The following ADAMTS14 variants were observed in gnomAD, a reference collection of about 807,000 sequenced individuals.
ADAMTS14 encodes A disintegrin and metalloproteinase with thrombospondin motifs 14.
In ADAMTS14, 100 loss-of-function variants were observed where a neutral mutation model predicts 128.6. The ratio of observed to expected loss-of-function variants is 0.78; its 90% confidence interval spans 0.66 to 0.92. The LOEUF is 0.92. ADAMTS14 is among the 40% of genes least tolerant of loss of function. The pLI is 0.00. For missense variants in ADAMTS14, 1,562 were observed against 1,658.6 expected (o/e 0.94, Z 1.01); for synonymous variants, 665 against 653.8 (o/e 1.02, Z -0.26).
chr10:70,758,096 G>A lies in ADAMTS14; in HGVS notation c.3067+5G>A, dbSNP rs1314972626. 6.2e-7 allele frequency: 1 copy of A among 1,612,392 alleles called. No homozygotes were observed. The highest frequency in any genetic ancestry group is 2.2e-5 in the East Asian group (1 of 44,864). On this transcript the variant is annotated splice_donor_5th_base_variant and intron_variant, in intron 20 of 21. Transcript: ENST00000373207. ...GCAGCCTGCCCGCCTGTGGAGGTGA[G>A]CCAGAGGGGATGGGGAGGCCAGGTC...
In ADAMTS14 at chr10:70,728,761, G is replaced by T. The variant is rs564425463; in HGVS notation, c.871-533G>T. Among the ~76,000 whole-genome samples the T allele has an allele frequency of 3.3e-5, 5 of 152,366 alleles. No individual in the cohort carries two copies. In the East Asian group the frequency reaches 9.6e-4, roughly 29 times the overall value. On this transcript the variant is annotated intron_variant, in intron 4 of 21. Coordinates refer to ENST00000373207, the MANE Select transcript of ADAMTS14 (RefSeq NM_080722.4). Reference sequence around the variant, plus strand: ...TCAGGAGGCCTGGGGTGGGGCCCAAGACTCTGCATTTCTCACAAGCTCCCA... The same window carrying T: ...TCAGGAGGCCTGGGGTGGGGCCCAATACTCTGCATTTCTCACAAGCTCCCA...
chr10:70,694,497 G>C (rs1454989812), intron 2 of ADAMTS14, among the ~76,000 whole-genome samples: 2 of 152,152 alleles, frequency 1.3e-5, no homozygotes, highest in Non-Finnish European at 2.9e-5. Flanking sequence ...ACCTAAAAAA[G>C]AGACTATGTG....
At chr10:70,701,783 C>T (rs1216381769) in intron 2 of ADAMTS14, among the ~76,000 whole-genome samples, 2 of 152,180 alleles carry the variant, frequency 1.3e-5, no homozygotes, top group Admixed American at 1.3e-4. Flanking sequence ...CCCATCCTGC[C>T]ATGTGCACAC....
intron 2 of ADAMTS14, among the ~76,000 whole-genome samples, chr10:70,688,691 C>T (rs993162233): frequency 8.9e-6 from 1 of 112,606 alleles, no homozygotes; most frequent in Non-Finnish European, 2.0e-5. Flanking sequence ...CACAGCGAAA[C>T]CCCGTCTCCA....
intron 16 of ADAMTS14, among the ~76,000 whole-genome samples, chr10:70,750,530 T>C (rs967214398): frequency 2.0e-5 from 3 of 152,216 alleles, no homozygotes; most frequent in Non-Finnish European, 4.4e-5. Context: ...CATGGTGCCC[T>C]CAGCACTGGC....
intron 4 of ADAMTS14, among the ~76,000 whole-genome samples, chr10:70,727,614 A>G (rs1056050337): frequency 3.5e-4 from 50 of 144,082 alleles, no homozygotes; most frequent in African/African-American, 1.2e-3. Context: ...CCCTGACCAC[A>G]CTGCTGGCAT....
At chr10:70,701,822 G>C (rs1018639159) in intron 2 of ADAMTS14, among the ~76,000 whole-genome samples, 1 of 152,126 alleles carries the variant, frequency 6.6e-6, no homozygotes, top group Admixed American at 6.5e-5. Flanking sequence ...AAATAACAGC[G>C]CTTCATATTG....
rs1206020384 is a variant in ADAMTS14 at position 70,760,946 on chromosome 10, G to A, written c.*93G>A. The A allele has an allele frequency of 6.3e-6, 9 of 1,436,310 alleles. No individual in the cohort carries two copies. In the South Asian group the frequency reaches 1.1e-4, roughly 17 times the overall value. 89.0% of individuals were successfully genotyped at this position (1,436,310 alleles called of 1,614,324 possible). On this transcript the variant is annotated 3_prime_UTR_variant, in exon 22 of 22. Coordinates refer to ENST00000373207, the MANE Select transcript of ADAMTS14 (RefSeq NM_080722.4). ...GACACACATAGCAGGGCAGGCGCAAGCACAGACTTCATTTTAAATCATTCG... is the reference window on the plus strand; with the variant it reads ...GACACACATAGCAGGGCAGGCGCAAACACAGACTTCATTTTAAATCATTCG...
intron 3 of ADAMTS14, 109 bp downstream of exon 3, chr10:70,702,577 G>A (rs1840531324): frequency 1.4e-6 from 2 of 1,394,332 alleles, no homozygotes; most frequent in Non-Finnish European, 1.9e-6. Context: ...CTTCTTATCT[G>A]TAAAATGGGA....
intron 3 of ADAMTS14, among the ~76,000 whole-genome samples, chr10:70,707,161 C>T (rs1379966466): frequency 1.3e-5 from 2 of 152,172 alleles, no homozygotes; most frequent in African/African-American, 4.8e-5. Flanking sequence ...TGTTACAATC[C>T]AATTTCTTAT....
chr10:70,723,579 C>T lies in ADAMTS14; in HGVS notation c.871-5715C>T, dbSNP rs148224002. ...AATAGGAATTCCAGGCCATTCGCCG[C>T]GAGGATTCAGTGAAGCAATGCAAGG... is the stretch of plus-strand genomic sequence containing the variant. On this transcript the variant is annotated intron_variant, in intron 4 of 21. Coordinates refer to ENST00000373207, the MANE Select transcript of ADAMTS14 (RefSeq NM_080722.4). Among the ~76,000 whole-genome samples the T allele has an allele frequency of 3.9e-4, 60 of 152,258 alleles. 1 individual carries two copies. The highest frequency in any genetic ancestry group is 1.4e-3 in the African/African-American group (58 of 41,536).
In ADAMTS14 at chr10:70,694,715, A is replaced by G. The variant is rs182056905; in HGVS notation, c.523-7597A>G. Among the ~76,000 whole-genome samples, 10 of 152,296 alleles carry G rather than the reference A, an allele frequency of 6.6e-5. No homozygotes were observed. The East Asian group carries it at 1.7e-3, about 26-fold the overall frequency. ...ATCATGTAGCATTTACCAGTACTTC[A>G]TTCCTTTCTACGGCAAAATAATATT... On this transcript the variant is annotated intron_variant, in intron 2 of 21. Coordinates refer to ENST00000373207, the MANE Select transcript of ADAMTS14 (RefSeq NM_080722.4).
In ADAMTS14 at chr10:70,753,914, G is replaced by T; in HGVS notation, c.2844G>T (p.Pro948=). Residue 948 remains proline, a synonymous_variant, in exon 19 of 22, where the codon CCG becomes CCT. Coordinates refer to ENST00000373207, the MANE Select transcript of ADAMTS14 (RefSeq NM_080722.4). The part of the protein sequence containing the change: ...PLSNGTHKVM[P]AKACAGDRPE... The stretch of plus-strand genomic sequence containing the variant: ...CCAATGGAACCCACAAGGTCATGCC[G>T]GCCAAAGCCTGCGCCGGGGACCGGC... The T allele has an allele frequency of 6.3e-7, 1 of 1,591,336 alleles. No homozygotes were observed. The highest frequency in any genetic ancestry group is 8.5e-7 in the Non-Finnish European group (1 of 1,169,946).
At chr10:70,697,524 A>G (rs906765206) in intron 2 of ADAMTS14, among the ~76,000 whole-genome samples, 6 of 152,232 alleles carry the variant, frequency 3.9e-5, no homozygotes, top group African/African-American at 1.4e-4. Context: ...TTACATGCAC[A>G]TACATGCAAT....
intron 2 of ADAMTS14, among the ~76,000 whole-genome samples, chr10:70,688,751 G>A (rs1473979980): frequency 1.3e-5 from 1 of 75,648 alleles, no homozygotes; most frequent in Non-Finnish European, 3.1e-5. Context: ...CAGGCATTCG[G>A]CAGACTGAGG....
At chr10:70,753,207 C>T (rs757284992) in intron 18 of ADAMTS14, among the ~76,000 whole-genome samples, 9 of 152,316 alleles carry the variant, frequency 5.9e-5, no homozygotes, top group South Asian at 2.1e-4. Flanking sequence ...AGAGCAGTTT[C>T]GTTTCCTCTA....
At chr10:70,704,977 C>T (rs138657724) in intron 3 of ADAMTS14, among the ~76,000 whole-genome samples, 10 of 152,076 alleles carry the variant, frequency 6.6e-5, no homozygotes, top group Admixed American at 1.3e-4. Context: ...CACAACCCCA[C>T]ATCCACACAC....
intron 2 of ADAMTS14, among the ~76,000 whole-genome samples, chr10:70,698,328 GA>G (rs1351514643): frequency 4.6e-5 from 7 of 152,130 alleles, no homozygotes; most frequent in African/African-American, 1.7e-4. Context: ...AATAAATTGA[GA>G]GACGGGAGTA....
At chr10:70,686,923 C>T (rs1376694800) in intron 2 of ADAMTS14, among the ~76,000 whole-genome samples, 2 of 88,998 alleles carry the variant, frequency 2.2e-5, no homozygotes, top group African/African-American at 3.8e-5. Flanking sequence ...GCTGGCCGGG[C>T]GGGGGGCTGA....
Sources: allele counts gnomAD v4.1 joint callset (sites outside exome capture counted in the v4.1 genomes callset), GRCh38; gene constraint gnomAD v4.1.1; transcripts MANE v1.5; gene names NCBI Gene and HGNC (gene_info 2026-07-23, HGNC 2026-07-21).